Variants in PPP1R1C observed in about 807,000 individuals in gnomAD.
The protein encoded by PPP1R1C is protein phosphatase 1 regulatory inhibitor subunit 1C.
Under a neutral mutation model 17.4 loss-of-function variants are expected in PPP1R1C, and 15 were observed. That is an observed-to-expected ratio of 0.86 (90% confidence interval 0.58 to 1.33). The LOEUF (loss-of-function observed/expected upper bound fraction) is 1.33, where lower values mean the gene tolerates loss of function less well. PPP1R1C is among the 40% of genes most tolerant of loss of function. PPP1R1C has a pLI of 0.00. For missense variants in PPP1R1C, 143 were observed against 130.0 expected (o/e 1.10, Z -0.48); for synonymous variants, 35 against 43.1 (o/e 0.81, Z 0.73).
At position 182,023,097 on chromosome 2, in the gene PPP1R1C, A is replaced by T. The variant is rs76492544; in HGVS notation, c.142+35198A>T. Among the ~76,000 whole-genome samples, 461 of 152,346 alleles carry T rather than the reference A, an allele frequency of 3.0e-3. 1 individual carries two copies. Among genetic ancestry groups the T allele is most frequent in the African/African-American group, 0.011 (439 of 41,582 alleles). On this transcript the variant is annotated intron_variant, in intron 2 of 4. Coordinates refer to ENST00000682840, the MANE Select transcript of PPP1R1C (RefSeq NM_001080545.3). ...CATAGAGACAAATGTAAAAAACCAC[A>T]ATGTAGCTTGCTACAGGCAGATTAA...
At chr2:182,086,976 T>G (rs1374413693) in intron 4 of PPP1R1C, among the ~76,000 whole-genome samples, 1 of 152,032 alleles carries the variant, frequency 6.6e-6, no homozygotes, top group East Asian at 1.9e-4. Context: ...TAATGGCCTC[T>G]TCATCCTTCT....
At chr2:182,065,391 A>G (rs1687958046) in intron 4 of PPP1R1C, among the ~76,000 whole-genome samples, 1 of 152,172 alleles carries the variant, frequency 6.6e-6, no homozygotes, top group Non-Finnish European at 1.5e-5. Context: ...TTAAGACAAA[A>G]TGAAGCAATG....
downstream of PPP1R1C, among the ~76,000 whole-genome samples, chr2:182,119,899 T>C (rs1689689438): frequency 6.6e-6 from 1 of 152,204 alleles, no homozygotes; most frequent in South Asian, 2.1e-4. Context: ...GTGCAGAAGG[T>C]CTTTAGTTTA....
chr2:182,002,196 T>TGGG (rs1316528583), intron 2 of PPP1R1C, among the ~76,000 whole-genome samples: 18 of 22,294 alleles, frequency 8.1e-4, no homozygotes, highest in African/African-American at 1.4e-3. Flanking sequence ...ATCAAGGTAT[T>TGGG]TTTTTTTCTT....
At chr2:182,012,647 C>T (rs886312172) in intron 2 of PPP1R1C, among the ~76,000 whole-genome samples, 3 of 152,000 alleles carry the variant, frequency 2.0e-5, no homozygotes, top group South Asian at 2.1e-4. Flanking sequence ...ATGGCCATTT[C>T]GTTATTTGTT....
intron 3 of PPP1R1C, 149 bp from the exon 4 acceptor site, chr2:182,063,582 A>T: frequency 1.5e-6 from 1 of 669,002 alleles, no homozygotes; most frequent in Non-Finnish European, 2.7e-6. Flanking sequence ...CATGTATATA[A>T]TTTCTCATTA....
chr2:182,125,806 G>T (rs1421385520), intron 5 of PPP1R1C, among the ~76,000 whole-genome samples: 1 of 151,810 alleles, frequency 6.6e-6, no homozygotes, highest in East Asian at 1.9e-4. Context: ...TATTAGTCTG[G>T]CTAGCAGTCT....
At chr2:181,963,772 C>T (rs1008734459) in intron 1 of PPP1R1C, among the ~76,000 whole-genome samples, 2 of 151,060 alleles carry the variant, frequency 1.3e-5, no homozygotes, top group African/African-American at 4.9e-5. Flanking sequence ...AAAATATTAA[C>T]CTAGAGTTCT....
chr2:182,001,623 G>A (rs552687257), intron 2 of PPP1R1C, among the ~76,000 whole-genome samples: 1 of 152,054 alleles, frequency 6.6e-6, no homozygotes, highest in African/African-American at 2.4e-5. Flanking sequence ...CCTTTGAGTT[G>A]TAAAATAAAC....
At chr2:181,987,802 T>A in intron 1 of PPP1R1C, 37 bp from the exon 2 acceptor site, 1 of 1,609,274 alleles carries the variant, frequency 6.2e-7, no homozygotes, top group Non-Finnish European at 8.5e-7. Context: ...CAGTGTCTAA[T>A]ACTCACTGAT....
At chr2:182,039,686 A>G (rs930629804) in intron 2 of PPP1R1C, among the ~76,000 whole-genome samples, 4 of 152,092 alleles carry the variant, frequency 2.6e-5, no homozygotes, top group Admixed American at 6.6e-5. Flanking sequence ...CTCCTGGCAC[A>G]AGGGGTTTTT....
At chr2:182,035,270 G>A (rs1574398607) in intron 2 of PPP1R1C, among the ~76,000 whole-genome samples, 1 of 152,148 alleles carries the variant, frequency 6.6e-6, no homozygotes, top group East Asian at 1.9e-4. Context: ...ATACAAAGCT[G>A]CTTTTACATT....
rs1237541655 is a variant in PPP1R1C at position 182,117,750 on chromosome 2, A to T, written c.*455A>T. The T allele has an allele frequency of 6.5e-6, 1 of 153,286 alleles. No homozygotes were observed. Among genetic ancestry groups the T allele is most frequent in the Non-Finnish European group, 1.5e-5 (1 of 68,888 alleles). The allele number at this position is 153,286 out of a possible 1,614,324, so 9.5% of individuals were successfully genotyped here. On this transcript the variant is annotated 3_prime_UTR_variant, in exon 5 of 5. Transcript: ENST00000682840. ...AAGAGAAATATCTAATAAAGCTTTT[A>T]GCTTGAGATTTGCATTGATCATATT...
intron 2 of PPP1R1C, among the ~76,000 whole-genome samples, chr2:182,034,635 G>A (rs1411409025): frequency 1.3e-5 from 2 of 152,076 alleles, no homozygotes; most frequent in Non-Finnish European, 2.9e-5. Context: ...ATACCTATTC[G>A]AATTAATTCT....
At chr2:182,031,941 A>T (rs780312808) in intron 2 of PPP1R1C, among the ~76,000 whole-genome samples, 20 of 152,242 alleles carry the variant, frequency 1.3e-4, no homozygotes, top group Non-Finnish European at 2.8e-4. Context: ...ATCATAGCCC[A>T]ATCTTAAACT....
At chr2:182,097,650 C>G (rs1044665940) in intron 4 of PPP1R1C, among the ~76,000 whole-genome samples, 6 of 152,186 alleles carry the variant, frequency 3.9e-5, no homozygotes, top group African/African-American at 1.4e-4. Context: ...GTGACAGAAA[C>G]AAGGCCTGTC....
intron 2 of PPP1R1C, among the ~76,000 whole-genome samples, chr2:181,989,157 T>C (rs1178617284): frequency 2.6e-5 from 4 of 152,190 alleles, no homozygotes; most frequent in African/African-American, 4.8e-5. Context: ...AAAACTTTCC[T>C]CCCTATGCCT....
At chr2:182,125,840 A>G (rs1317431669) in intron 5 of PPP1R1C, among the ~76,000 whole-genome samples, 1 of 152,026 alleles carries the variant, frequency 6.6e-6, no homozygotes, top group Admixed American at 6.6e-5. Flanking sequence ...ATCTTTTCAA[A>G]GAAAATCTTT....
chr2:182,087,143 G>A (rs1363007371), intron 4 of PPP1R1C, among the ~76,000 whole-genome samples: 3 of 152,166 alleles, frequency 2.0e-5, no homozygotes, highest in African/African-American at 4.8e-5. Context: ...TTGAGCTGTC[G>A]ATAGTTTTCA....
Sources: allele counts gnomAD v4.1 joint callset (sites outside exome capture counted in the v4.1 genomes callset), GRCh38; gene constraint gnomAD v4.1.1; transcripts MANE v1.5; gene names NCBI Gene and HGNC (gene_info 2026-07-23, HGNC 2026-07-21).